Variants in UBE2L3 observed in about 807,000 individuals in gnomAD.
UBE2L3 encodes ubiquitin conjugating enzyme E2 L3, also known as ubiquitin-conjugating enzyme E2 L3.
Under a neutral mutation model 17.8 loss-of-function variants are expected in UBE2L3, and 1 was observed. The observed-to-expected ratio is 0.06, with a 90% CI of 0.02 to 0.27. The LOEUF (loss-of-function observed/expected upper bound fraction) is 0.27, where lower values mean the gene tolerates loss of function less well. Ranked by LOEUF, UBE2L3 falls within the 10% of genes least tolerant of loss-of-function variation. The pLI, the probability that UBE2L3 is intolerant of heterozygous loss-of-function variation, is 1.00. For missense variants in UBE2L3, 40 were observed against 192.6 expected, an observed-to-expected ratio of 0.21 and a Z score of 4.69; for synonymous variants, 44 against 68.5, an observed-to-expected ratio of 0.64 and a Z score of 1.76.
chr22:21,582,814 G>A (rs1187409514), intron 1 of UBE2L3, among the ~76,000 whole-genome samples: 2 of 152,124 alleles, frequency 1.3e-5, no homozygotes, highest in African/African-American at 4.8e-5. Context: ...GTGAGCCACC[G>A]TGCCCGGCCC....
chr22:21,565,425 T>C (rs528447004), upstream of UBE2L3, among the ~76,000 whole-genome samples: 173 of 151,406 alleles, frequency 1.1e-3, no homozygotes, highest in African/African-American at 3.5e-3. Context: ...CCTTTCCTTC[T>C]CTCCTTTCAG....
chr22:21,570,263 CAG>C (rs1457214227), intron 1 of UBE2L3, among the ~76,000 whole-genome samples: 1 of 151,932 alleles, frequency 6.6e-6, no homozygotes, highest in Non-Finnish European at 1.5e-5. Flanking sequence ...TCCAGGCTCT[CAG>C]GGGTCTAAGA....
intron 1 of UBE2L3, among the ~76,000 whole-genome samples, chr22:21,555,802 C>G (rs1357033193): frequency 9.7e-5 from 14 of 144,060 alleles, no homozygotes; most frequent in Middle Eastern, 5.3e-3. Flanking sequence ...CATGGTGGCA[C>G]ACGCCTGTAA....
chr22:21,557,316 G>A lies in UBE2L3; in HGVS notation c.201+7666G>A, dbSNP rs1926268088. On this transcript the variant is annotated intron_variant, in intron 1 of 3. Coordinates refer to the UBE2L3 transcript ENST00000458578. ...TGGGAGGCAGAGGTTACAGTGGACTGAGATTGTGCCACTCCACTTCCACCT... is the reference window on the plus strand; with the variant it reads ...TGGGAGGCAGAGGTTACAGTGGACTAAGATTGTGCCACTCCACTTCCACCT... Among the ~76,000 whole-genome samples the A allele has an allele frequency of 2.0e-5, 3 of 152,236 alleles. No individual in the cohort carries two copies. In the South Asian group the frequency reaches 6.2e-4, roughly 32 times the overall value.
intron 3 of UBE2L3, among the ~76,000 whole-genome samples, chr22:21,612,894 C>A (rs575243138): frequency 1.4e-4 from 22 of 152,226 alleles, no homozygotes; most frequent in African/African-American, 4.8e-4. Flanking sequence ...GCCTCAGCCT[C>A]CCAAAGTGCT....
intron 2 of UBE2L3, among the ~76,000 whole-genome samples, chr22:21,597,775 A>ATTTTTTTTTTTTTTTTTTTTTTTTTTTT (rs35054754): frequency 3.9e-5 from 1 of 25,552 alleles, no homozygotes; most frequent in Middle Eastern, 0.028. Flanking sequence ...TTATATGTAG[A>ATTTTTTTTTTTTTTTTTTTTTTTTTTTT]TTTTTTTTTT....
At position 21,601,461 on chromosome 22, in the gene UBE2L3, T is replaced by A. The variant is rs576342282; in HGVS notation, c.123+8505T>A. 7.3e-5 allele frequency among the ~76,000 whole-genome samples: 11 copies of A among 151,702 alleles called. No homozygotes were observed. The East Asian group carries it at 2.0e-3, about 28-fold the overall frequency. Reference sequence around the variant, plus strand: ...CTAAGTAGCTGGGATTACAGGCGTGTACCACTACGCCTGGCTAATTTTTTT... The same window carrying A: ...CTAAGTAGCTGGGATTACAGGCGTGAACCACTACGCCTGGCTAATTTTTTT... On this transcript the variant is annotated intron_variant, in intron 2 of 3. Coordinates refer to ENST00000342192, the MANE Select transcript of UBE2L3 (RefSeq NM_003347.4).
At chr22:21,564,208 A>AT (rs973974958), upstream of UBE2L3, among the ~76,000 whole-genome samples, 87 of 150,984 alleles carry the variant, frequency 5.8e-4, no homozygotes, top group Admixed American at 2.2e-3. Flanking sequence ...TTCTTTTTTT[A>AT]TTTTTTGTTG....
intron 1 of UBE2L3, among the ~76,000 whole-genome samples, chr22:21,560,436 C>T (rs1926391160): frequency 6.6e-6 from 1 of 151,232 alleles, no homozygotes; most frequent in Non-Finnish European, 1.5e-5. Context: ...TTTCTCTTCC[C>T]TTTAGATCTA....
chr22:21,590,698 G>A (rs1928210793), intron 1 of UBE2L3, among the ~76,000 whole-genome samples: 1 of 152,068 alleles, frequency 6.6e-6, no homozygotes, highest in African/African-American at 2.4e-5. Flanking sequence ...TTGTTTGCTA[G>A]GACTCCAGCC....
rs376679542 is a variant in UBE2L3 at position 21,611,059 on chromosome 22, G to A, written c.310+16G>A. On this transcript the variant is annotated intron_variant, in intron 3 of 3. Coordinates refer to ENST00000342192, the MANE Select transcript of UBE2L3 (RefSeq NM_003347.4). ...ACCGACCAAGGTAAGACATGTGCCTGTGTCTTCCTCGGAGGGGGTCTTTGG... is the reference window on the plus strand; with the variant it reads ...ACCGACCAAGGTAAGACATGTGCCTATGTCTTCCTCGGAGGGGGTCTTTGG... The A allele has an allele frequency of 1.7e-5, 27 of 1,579,354 alleles. No individual in the cohort carries two copies. The highest frequency in any genetic ancestry group is 2.0e-5 in the Non-Finnish European group (23 of 1,164,136).
intron 1 of UBE2L3, chr22:21,555,403 A>G (rs1926187707): frequency 6.5e-6 from 1 of 152,888 alleles, no homozygotes; most frequent in Non-Finnish European, 1.5e-5. Context: ...CGGGCAGGTC[A>G]CCTGAGGTCA....
At chr22:21,572,192 T>C (rs1359733717) in intron 1 of UBE2L3, among the ~76,000 whole-genome samples, 2 of 152,020 alleles carry the variant, frequency 1.3e-5, no homozygotes, top group African/African-American at 2.4e-5. Flanking sequence ...CCCAGCTCTT[T>C]GGGAGGCCGA....
intron 2 of UBE2L3, among the ~76,000 whole-genome samples, chr22:21,607,272 C>T (rs11703328): frequency 1.3e-5 from 2 of 151,480 alleles, no homozygotes; most frequent in African/African-American, 4.9e-5. Context: ...TTTGGGAGGC[C>T]GAGGCCGGCA....
rs1334431054 is a variant in UBE2L3 at position 21,592,966 on chromosome 22, G to T, written c.123+10G>T. 1 of 1,605,978 alleles carries T rather than the reference G, an allele frequency of 6.2e-7. No individual in the cohort carries two copies. Among genetic ancestry groups the T allele is most frequent in the African/African-American group, 1.3e-5 (1 of 74,706 alleles). On this transcript the variant is annotated intron_variant, in intron 2 of 3. Transcript: ENST00000342192. ...AGGGCTTATTGTTCCTGTGAGTATT[G>T]AACACTTCCACTTCCTACCAGATTA...
At chr22:21,562,673 T>C (rs1926486709) in intron 1 of UBE2L3, among the ~76,000 whole-genome samples, 1 of 83,908 alleles carries the variant, frequency 1.2e-5, no homozygotes, top group Non-Finnish European at 2.3e-5. Flanking sequence ...GCCTGGGCTT[T>C]TTTTTTTTTT....
At chr22:21,610,607 G>A (rs997446346) in intron 2 of UBE2L3, among the ~76,000 whole-genome samples, 2 of 152,116 alleles carry the variant, frequency 1.3e-5, no homozygotes, top group African/African-American at 2.4e-5. Context: ...GTTCTAAAAA[G>A]TAAAGTCTAT....
chr22:21,569,308 G>A (rs1926827408), intron 1 of UBE2L3, among the ~76,000 whole-genome samples: 2 of 149,998 alleles, frequency 1.3e-5, no homozygotes, highest in South Asian at 2.1e-4. Flanking sequence ...AGGTGGAAGA[G>A]TCGCTTGAAC....
At chr22:21,565,754 CA>C (rs131662), upstream of UBE2L3, among the ~76,000 whole-genome samples, 980 of 30,184 alleles carry the variant, frequency 0.032, no homozygotes, top group Non-Finnish European at 0.043. Flanking sequence ...AACTGTGTCT[CA>C]AAAAAAAAAA....
Sources: gnomAD v4.1 joint callset for allele counts (sites outside exome capture counted in the v4.1 genomes callset) on GRCh38, gnomAD v4.1.1 for gene constraint, MANE v1.5 for transcripts, NCBI Gene and HGNC (gene_info 2026-07-23, HGNC 2026-07-21) for gene names.